The following ZNF721 variants were observed in gnomAD, a reference collection of about 807,000 sequenced individuals.
ZNF721 encodes the protein zinc finger protein 721.
A neutral mutation model predicts 2.4 loss-of-function variants in ZNF721; 2 were observed. The ratio of observed to expected loss-of-function variants is 0.82; its 90% CI spans 0.34 to 2.58. ZNF721 has a LOEUF of 2.58. Ranked by LOEUF, ZNF721 falls within the 30% of genes most tolerant of loss-of-function variation. The probability of loss-of-function intolerance (pLI) is 0.11; values close to 1 mark genes in which losing one functional copy is unlikely to be tolerated. For missense variants in ZNF721, 1,187 were observed against 1,085.5 expected (o/e 1.09, Z -1.31); for synonymous variants, 398 against 381.8 (o/e 1.04, Z -0.50).
chr4:452,668 G>A (rs1714709893), intron 2 of ZNF721, among the ~76,000 whole-genome samples: 1 of 151,768 alleles, frequency 6.6e-6, no homozygotes, highest in African/African-American at 2.4e-5. Context: ...GAAACAAGGT[G>A]GGAAGAGGGT....
At chr4:459,966 C>A (rs1190149684) in intron 2 of ZNF721, among the ~76,000 whole-genome samples, 5 of 152,106 alleles carry the variant, frequency 3.3e-5, no homozygotes, top group African/African-American at 1.2e-4. Flanking sequence ...TAGAGACCCA[C>A]AAAGAGACTT....
chr4:468,363 G>A (rs1469585099), intron 2 of ZNF721, among the ~76,000 whole-genome samples: 1 of 151,872 alleles, frequency 6.6e-6, no homozygotes, highest in East Asian at 1.9e-4. Flanking sequence ...CTGGGAGGCG[G>A]AGGTTGCAGT....
intron 1 of ZNF721, among the ~76,000 whole-genome samples, chr4:487,480 G>C (rs1288425091): frequency 1.3e-5 from 2 of 152,138 alleles, no homozygotes; most frequent in African/African-American, 4.8e-5. Context: ...GAATGGCCCA[G>C]CTAAGCCCAG....
intron 2 of ZNF721, among the ~76,000 whole-genome samples, chr4:448,916 A>G (rs1422110721): frequency 6.6e-6 from 1 of 152,228 alleles, no homozygotes; most frequent in Non-Finnish European, 1.5e-5. Context: ...CTCAGTTTGT[A>G]AAAAGCAAAA....
intron 2 of ZNF721, among the ~76,000 whole-genome samples, chr4:456,050 T>TTTTATTTA (rs59869428): frequency 0.12 from 17,363 of 144,286 alleles, 1,317 homozygotes; most frequent in African/African-American, 0.2. Flanking sequence ...CCAAAAAAAT[T>TTTTATTTA]TTTATTTATT....
chr4:442,467 T>C lies in ZNF721; in HGVS notation c.2000A>G (p.Gln667Arg), dbSNP rs374352055. Residue 667 changes from glutamine (Q) to arginine (R), a missense_variant, in exon 3 of 3, where the codon CAA (glutamine) becomes CGA (arginine). By Grantham distance (43) the Gln-to-Arg change is conservative. Coordinates refer to ENST00000511833, the MANE Select transcript of ZNF721 (RefSeq NM_133474.4). ...GCCACACTCTTCACATTTGTAACTT[T>C]GCTCTCCAGTAAGAATTTTCGTGTG... is the stretch of plus-strand genomic sequence containing the variant. ...NQHTKILTGEQSYKCEECGKA... is the reference protein window; with the variant it reads ...NQHTKILTGERSYKCEECGKA... 9.5e-5 allele frequency: 154 copies of C among 1,613,854 alleles called. No individual in the cohort carries two copies. Among genetic ancestry groups the C allele is most frequent in the Non-Finnish European group, 1.3e-4 (148 of 1,179,870 alleles).
chr4:479,516 T>C (rs1380376772), intron 1 of ZNF721, among the ~76,000 whole-genome samples: 3 of 152,210 alleles, frequency 2.0e-5, no homozygotes, highest in African/African-American at 7.2e-5. Context: ...AGCAAAGCTA[T>C]GTGCCTCCTG....
intron 1 of ZNF721, among the ~76,000 whole-genome samples, chr4:482,886 C>T (rs1553869746): frequency 6.6e-6 from 1 of 152,152 alleles, no homozygotes; most frequent in Non-Finnish European, 1.5e-5. Flanking sequence ...TACACATTTT[C>T]AGGCAAAAAC....
chr4:492,750 T>C lies in ZNF721; in HGVS notation c.-94+6306A>G, dbSNP rs528129182. Among the ~76,000 whole-genome samples the C allele has an allele frequency of 7.3e-5, 11 of 150,490 alleles. No homozygotes were observed. The East Asian group carries it at 2.1e-3, about 29-fold the overall frequency. ...CTAGGTCTAAATTTACTATACAAGA[T>C]TCTTTCTCATATAAAATTATTTTTC... On this transcript the variant is annotated intron_variant, in intron 1 of 2. Coordinates refer to ENST00000511833, the MANE Select transcript of ZNF721 (RefSeq NM_133474.4).
At position 454,550 on chromosome 4, in the gene ZNF721, C is replaced by T. The variant is rs941753007; in HGVS notation, c.35-10118G>A. Among the ~76,000 whole-genome samples the T allele has an allele frequency of 7.6e-4, 116 of 152,284 alleles. 2 individuals are homozygous for T. The highest frequency in any genetic ancestry group is 7.6e-3 in the Admixed American group (116 of 15,292). On this transcript the variant is annotated intron_variant, in intron 2 of 2. Transcript: ENST00000511833. Reference sequence around the variant, plus strand: ...CCTGACAATTCTCACAATCACTCTCCTTGCAAAGCCATGGTGGGTGTGGTT... The same window carrying T: ...CCTGACAATTCTCACAATCACTCTCTTTGCAAAGCCATGGTGGGTGTGGTT...
intron 1 of ZNF721, among the ~76,000 whole-genome samples, chr4:494,605 TAAGA>T (rs1716103387): frequency 6.6e-6 from 1 of 152,276 alleles, no homozygotes; most frequent in South Asian, 2.1e-4. Flanking sequence ...TACATTTGCA[TAAGA>T]AAGGAAACAA....
chr4:494,990 C>CAG (rs1553872009), intron 1 of ZNF721, among the ~76,000 whole-genome samples: 1 of 150,572 alleles, frequency 6.6e-6, no homozygotes, highest in Non-Finnish European at 1.5e-5. Context: ...TCACGCCATT[C>CAG]TCCTGCCTCA....
intron 2 of ZNF721, among the ~76,000 whole-genome samples, chr4:466,947 G>A (rs1037477908): frequency 1.1e-4 from 17 of 152,176 alleles, no homozygotes; most frequent in Non-Finnish European, 2.1e-4. Flanking sequence ...GGCCGGGCGC[G>A]GTGGCTCACG....
At chr4:493,316 A>C (rs1204673541) in intron 1 of ZNF721, among the ~76,000 whole-genome samples, 1 of 152,232 alleles carries the variant, frequency 6.6e-6, no homozygotes, top group East Asian at 1.9e-4. Flanking sequence ...AGATGGTAAC[A>C]GTCCTTTCTC....
At chr4:457,168 T>G (rs1714873236) in intron 2 of ZNF721, among the ~76,000 whole-genome samples, 1 of 152,200 alleles carries the variant, frequency 6.6e-6, no homozygotes, top group South Asian at 2.1e-4. Flanking sequence ...TGAGTAAATG[T>G]GAGCATTTTA....
intron 1 of ZNF721, among the ~76,000 whole-genome samples, chr4:482,276 G>A (rs556305230): frequency 1.0e-3 from 157 of 152,228 alleles, no homozygotes; most frequent in Non-Finnish European, 1.6e-3. Context: ...CGATTCTCCT[G>A]CCTCAACCTC....
intron 2 of ZNF721, among the ~76,000 whole-genome samples, chr4:451,819 T>G (rs1169808081): frequency 6.6e-6 from 1 of 152,158 alleles, no homozygotes; most frequent in Non-Finnish European, 1.5e-5. Flanking sequence ...GCTGGGAGGT[T>G]GGGGGCTTCC....
chr4:495,307 T>C (rs1170816585), intron 1 of ZNF721, among the ~76,000 whole-genome samples: 2 of 100,880 alleles, frequency 2.0e-5, no homozygotes, highest in African/African-American at 4.2e-5. Flanking sequence ...TTCAGTCAAC[T>C]GAACAAAAAA....
At chr4:495,354 G>T (rs1335293996) in intron 1 of ZNF721, among the ~76,000 whole-genome samples, 1 of 125,552 alleles carries the variant, frequency 8.0e-6, no homozygotes, top group Admixed American at 7.6e-5. Flanking sequence ...AAAAAGACAA[G>T]GTCCTAGGAG....
Sources: gnomAD v4.1 joint callset for allele counts (sites outside exome capture counted in the v4.1 genomes callset) on GRCh38, gnomAD v4.1.1 for gene constraint, MANE v1.5 for transcripts, NCBI Gene and HGNC (gene_info 2026-07-23, HGNC 2026-07-21) for gene names.